SYN3: variants seen among roughly 807,000 people sequenced by gnomAD.
The protein encoded by SYN3 is synapsin III, also known as synapsin-3.
SYN3 carries 35 observed loss-of-function variants against 65.8 expected under a neutral mutation model. That is an observed-to-expected ratio of 0.53 (90% CI 0.41 to 0.70). The LOEUF (loss-of-function observed/expected upper bound fraction) is 0.70. SYN3 is among the 30% of genes least tolerant of loss of function. SYN3 has a pLI of 0.00. For synonymous variants in SYN3, 270 were observed against 292.9 expected, an observed-to-expected ratio of 0.92 and a Z score of 0.80; for missense variants, 680 against 749.0, an observed-to-expected ratio of 0.91 and a Z score of 1.08.
At chr22:33,040,473 C>T (rs1374074148) in intron 1 of SYN3, among the ~76,000 whole-genome samples, 1 of 152,224 alleles carries the variant, frequency 6.6e-6, no homozygotes, top group Non-Finnish European at 1.5e-5. Flanking sequence ...AGTTCTCCTT[C>T]AAATCCACTT....
At chr22:33,048,915 GAC>G (rs1444412162) in intron 1 of SYN3, among the ~76,000 whole-genome samples, 2 of 152,088 alleles carry the variant, frequency 1.3e-5, no homozygotes, top group African/African-American at 2.4e-5. Context: ...CTAGAGATTT[GAC>G]AGTTACCTTA....
At chr22:32,796,598 C>T (rs2046433475) in intron 6 of SYN3, among the ~76,000 whole-genome samples, 1 of 152,088 alleles carries the variant, frequency 6.6e-6, no homozygotes, top group East Asian at 1.9e-4. Flanking sequence ...GGGCAGCAGC[C>T]CCACTGAGGG....
At chr22:32,779,412 A>C (rs921257363) in intron 6 of SYN3, among the ~76,000 whole-genome samples, 18 of 152,330 alleles carry the variant, frequency 1.2e-4, no homozygotes, top group African/African-American at 4.3e-4. Context: ...GTGAGCCGAG[A>C]TGGCGCCACT....
intron 6 of SYN3, among the ~76,000 whole-genome samples, chr22:32,675,609 G>T (rs1465363914): frequency 6.6e-6 from 1 of 152,090 alleles, no homozygotes; most frequent in Non-Finnish European, 1.5e-5. Context: ...TCACCCAAGG[G>T]TACCCTCTAG....
chr22:32,976,884 T>C (rs2146962084), intron 3 of SYN3, among the ~76,000 whole-genome samples: 1 of 152,278 alleles, frequency 6.6e-6, no homozygotes, highest in Non-Finnish European at 1.5e-5. Context: ...TCTGGTTAAT[T>C]TGGCCCTTGG....
At chr22:32,848,328 G>A (rs1461933969) in intron 6 of SYN3, among the ~76,000 whole-genome samples, 1 of 152,126 alleles carries the variant, frequency 6.6e-6, no homozygotes. Flanking sequence ...AAGATCTTTC[G>A]TTCAATCCTG....
intron 12 of SYN3, chr22:32,518,585 A>G: frequency 1.6e-6 from 1 of 640,804 alleles, no homozygotes; most frequent in Non-Finnish European, 2.9e-6. Flanking sequence ...GATACTGTTG[A>G]TAACATATGC....
intron 6 of SYN3, among the ~76,000 whole-genome samples, chr22:32,635,661 G>A (rs932688797): frequency 2.0e-5 from 3 of 152,116 alleles, no homozygotes; most frequent in African/African-American, 2.4e-5. Context: ...GTGCTCAGCC[G>A]GTATGTGCTG....
intron 2 of SYN3, among the ~76,000 whole-genome samples, chr22:32,983,501 C>G (rs533169481): frequency 3.9e-5 from 6 of 152,208 alleles, no homozygotes; most frequent in Non-Finnish European, 5.9e-5. Context: ...CCAAAACTGA[C>G]TGACAGCTCT....
At chr22:32,717,301 T>C (rs2061052077) in intron 6 of SYN3, among the ~76,000 whole-genome samples, 1 of 152,140 alleles carries the variant, frequency 6.6e-6, no homozygotes, top group South Asian at 2.1e-4. Context: ...GAAAGACCCC[T>C]GTAAGGTCCC....
chr22:32,812,752 A>C (rs2145996912), intron 6 of SYN3, among the ~76,000 whole-genome samples: 1 of 152,292 alleles, frequency 6.6e-6, no homozygotes. Flanking sequence ...GTTTAAGTGA[A>C]TGAGGAGGGT....
chr22:32,858,035 A>G, intron 6 of SYN3: 1 of 1,614,154 alleles, frequency 6.2e-7, no homozygotes, highest in Admixed American at 1.7e-5. Flanking sequence ...TATGATGGCA[A>G]GATGTACACG....
At chr22:32,525,476 G>A (rs1300580124) in intron 12 of SYN3, among the ~76,000 whole-genome samples, 2 of 152,188 alleles carry the variant, frequency 1.3e-5, no homozygotes, top group Non-Finnish European at 2.9e-5. Flanking sequence ...GGGAGGCTGA[G>A]GCGGGCGGAT....
At chr22:32,970,540 C>T (rs2051987655) in intron 3 of SYN3, among the ~76,000 whole-genome samples, 1 of 146,572 alleles carries the variant, frequency 6.8e-6, no homozygotes, top group South Asian at 2.1e-4. Context: ...CAGAGCGAGA[C>T]TCCATCTCAA....
intron 6 of SYN3, among the ~76,000 whole-genome samples, chr22:32,817,062 TAA>T (rs130284): frequency 6.9e-6 from 1 of 145,066 alleles, no homozygotes. Flanking sequence ...TCTACTAATT[TAA>T]AAAAAAAAAA....
At chr22:32,820,632 G>A (rs2047219907) in intron 6 of SYN3, among the ~76,000 whole-genome samples, 3 of 152,170 alleles carry the variant, frequency 2.0e-5, no homozygotes, top group Admixed American at 2.0e-4. Context: ...GCTTAGGGTT[G>A]GGCAGGGGCC....
intron 6 of SYN3, among the ~76,000 whole-genome samples, chr22:32,612,431 GT>G (rs1481708266): frequency 6.6e-6 from 1 of 152,188 alleles, no homozygotes; most frequent in Non-Finnish European, 1.5e-5. Flanking sequence ...AGGACACTCA[GT>G]TGGTATCCAC....
chr22:32,935,132 A>G (rs1037263214), intron 3 of SYN3, among the ~76,000 whole-genome samples: 1 of 152,216 alleles, frequency 6.6e-6, no homozygotes, highest in African/African-American at 2.4e-5. Context: ...GCAAATTAAA[A>G]TAATAACTTT....
chr22:32,824,445 C>T (rs903039459), intron 6 of SYN3, among the ~76,000 whole-genome samples: 1 of 151,692 alleles, frequency 6.6e-6, no homozygotes, highest in African/African-American at 2.4e-5. Context: ...TCTTTAAACC[C>T]CGTAGTCATA....
Sources: gnomAD v4.1 joint callset for allele counts (sites outside exome capture counted in the v4.1 genomes callset) on GRCh38, gnomAD v4.1.1 for gene constraint, MANE v1.5 for transcripts, NCBI Gene and HGNC (gene_info 2026-07-23, HGNC 2026-07-21) for gene names.